MMS22L: variants seen among roughly 807,000 people sequenced by gnomAD.
MMS22L encodes the protein protein MMS22-like.
MMS22L carries 74 observed loss-of-function variants against 159.1 expected under a neutral mutation model. The observed-to-expected ratio is 0.47, with a 90% confidence interval of 0.39 to 0.56. The LOEUF (loss-of-function observed/expected upper bound fraction) is 0.56. Ranked by LOEUF, MMS22L falls within the 20% of genes least tolerant of loss-of-function variation. The pLI, the probability that MMS22L is intolerant of heterozygous loss-of-function variation, is 0.00. For synonymous variants in MMS22L, 517 were observed against 506.9 expected, an observed-to-expected ratio of 1.02 and a Z score of -0.27; for missense variants, 1,351 against 1,422.1, an observed-to-expected ratio of 0.95 and a Z score of 0.80.
In MMS22L at chr6:97,229,045, C is replaced by A. The variant is rs1237633319; in HGVS notation, c.1888G>T (p.Gly630Cys). The A allele has an allele frequency of 6.2e-7, 1 of 1,613,946 alleles. No individual in the cohort carries two copies. The highest frequency in any genetic ancestry group is 1.3e-5 in the African/African-American group (1 of 74,872). ...IWTLLSIYID[G>C]VQEVFETSYC... ...CTGGTCTCAAACACTTCTTGAACAC[C>A]ATCAATGTATATGGAAAGAAGGGTC... Residue 630 changes from glycine to cysteine, a missense_variant, in exon 14 of 25, where the codon GGT becomes TGT. Gly to Cys is a radical substitution (Grantham distance 159). Coordinates refer to ENST00000683635, the MANE Select transcript of MMS22L (RefSeq NM_001350599.2).
At chr6:97,264,596 TG>T (rs1171223903) in intron 8 of MMS22L, 2 of 152,094 alleles carry the variant, frequency 1.3e-5, no homozygotes, top group Admixed American at 6.6e-5. Flanking sequence ...CAGAAAGAAA[TG>T]TTAAAATTGT....
chr6:97,197,692 A>G (rs1055343637), intron 14 of MMS22L, among the ~76,000 whole-genome samples: 2 of 152,232 alleles, frequency 1.3e-5, no homozygotes, highest in African/African-American at 2.4e-5. Flanking sequence ...AGAAGAAAAA[A>G]GAATGAGCTC....
intron 9 of MMS22L, chr6:97,260,208 G>C (rs1210769320): frequency 6.6e-6 from 1 of 152,126 alleles, no homozygotes; most frequent in East Asian, 1.9e-4. Flanking sequence ...CGTAGATTTA[G>C]ATCTTTTATT....
At chr6:97,154,631 G>A (rs1801647514) in intron 22 of MMS22L, among the ~76,000 whole-genome samples, 1 of 152,064 alleles carries the variant, frequency 6.6e-6, no homozygotes, top group Non-Finnish European at 1.5e-5. Context: ...TTCGTATGTG[G>A]TAGGAAACAA....
At chr6:97,148,611 A>T (rs1420682738) in intron 24 of MMS22L, among the ~76,000 whole-genome samples, 1 of 152,112 alleles carries the variant, frequency 6.6e-6, no homozygotes, top group African/African-American at 2.4e-5. Context: ...CTTATTCAAG[A>T]ATATAAAGAA....
At chr6:97,215,787 C>T (rs1354148572) in intron 14 of MMS22L, among the ~76,000 whole-genome samples, 1 of 152,012 alleles carries the variant, frequency 6.6e-6, no homozygotes, top group Non-Finnish European at 1.5e-5. Flanking sequence ...TGATGTGAGA[C>T]ATTAATTTGC....
chr6:97,277,097 C>A (rs1020402170), intron 4 of MMS22L, among the ~76,000 whole-genome samples: 4 of 152,176 alleles, frequency 2.6e-5, no homozygotes, highest in African/African-American at 9.7e-5. Context: ...GTATCCCCTA[C>A]TGAAAATAAA....
intron 19 of MMS22L, among the ~76,000 whole-genome samples, chr6:97,169,078 A>G (rs1360842823): frequency 6.6e-6 from 1 of 152,112 alleles, no homozygotes; most frequent in Non-Finnish European, 1.5e-5. Context: ...CTAATCACTT[A>G]ACCTCCACCA....
intron 19 of MMS22L, among the ~76,000 whole-genome samples, chr6:97,170,028 T>A (rs943191471): frequency 6.6e-6 from 1 of 152,030 alleles, no homozygotes; most frequent in African/African-American, 2.4e-5. Context: ...TTTATTAGAG[T>A]CTATTGTCAC....
intron 14 of MMS22L, among the ~76,000 whole-genome samples, chr6:97,188,389 T>C (rs1270418838): frequency 6.6e-6 from 1 of 152,236 alleles, no homozygotes; most frequent in East Asian, 1.9e-4. Context: ...GTAACATTTC[T>C]GATCGACCTC....
rs1806819320 is a variant in MMS22L at position 97,198,779 on chromosome 6, T to C, written c.2040-12089A>G. On this transcript the variant is annotated intron_variant, in intron 14 of 24. Transcript: ENST00000683635. ...AATTCTGGACTGGTTTCAGGACAAATGAATTTCAGAGATAAGGGTAATTTT... is the reference window on the plus strand; with the variant it reads ...AATTCTGGACTGGTTTCAGGACAAACGAATTTCAGAGATAAGGGTAATTTT... Among the ~76,000 whole-genome samples, 4 of 152,150 alleles carry C rather than the reference T, an allele frequency of 2.6e-5. No individual in the cohort carries two copies. In the South Asian group the frequency reaches 8.3e-4, roughly 31 times the overall value.
At position 97,231,432 on chromosome 6, in the gene MMS22L, T is replaced by C. The variant is rs1810850268; in HGVS notation, c.1523A>G (p.Lys508Arg). 1.2e-6 allele frequency: 2 copies of C among 1,612,112 alleles called. No individual in the cohort carries two copies. The change falls in exon 13 of 25, where the codon AAA (lysine) becomes AGA (arginine). Residue 508 changes from lysine to arginine, a missense_variant. Lys to Arg is a conservative substitution (Grantham distance 26). Coordinates refer to ENST00000683635, the MANE Select transcript of MMS22L (RefSeq NM_001350599.2). ...SNGPHPWKQV[K>R]GRIYSKFHQK... ...CAGAAGATACTGCATATACCTTCCT[T>C]TGACTTGTTTCCAAGGATGAGGGCC... is the stretch of plus-strand genomic sequence containing the variant.
chr6:97,162,166 C>A lies in MMS22L; in HGVS notation c.3222-1G>T, dbSNP rs1165828037. 6.3e-7 allele frequency: 1 copy of A among 1,584,958 alleles called. No homozygotes were observed. On this transcript the variant is annotated splice_acceptor_variant, in intron 21 of 24. Transcript: ENST00000683635. LOFTEE classifies it high-confidence loss of function. ...CCCCTTATACTCAAGGTAGGATTTC[C>A]TGAAAAGAAGCAAAATTTGTTTATT... is the stretch of plus-strand genomic sequence containing the variant.
chr6:97,238,115 G>C (rs1456574584), intron 11 of MMS22L, among the ~76,000 whole-genome samples: 2 of 152,182 alleles, frequency 1.3e-5, no homozygotes, highest in Non-Finnish European at 2.9e-5. Context: ...TGTGAACCTG[G>C]ACAAGTTCTT....
At position 97,145,526 on chromosome 6, in the gene MMS22L, C is replaced by CAT. The variant is rs1800893905; in HGVS notation, c.*1278_*1279dup. The CAT allele has an allele frequency of 1.3e-5, 2 of 152,144 alleles. No individual in the cohort carries two copies. Among genetic ancestry groups the CAT allele is most frequent in the African/African-American group, 4.8e-5 (2 of 41,442 alleles). 9.4% of individuals were successfully genotyped at this position (152,144 alleles called of 1,614,324 possible). A position where few individuals can be genotyped will look rare whatever the true frequency, so the allele number is the denominator to read the frequency against. On this transcript the variant is annotated 3_prime_UTR_variant, in exon 25 of 25. Transcript: ENST00000683635. ...GAAAACATTGGAAAGTGGGATCATT[C>CAT]ATCTGGGACATATCATTAGAGAAAG...
At chr6:97,165,807 C>A (rs1370197388) in intron 20 of MMS22L, among the ~76,000 whole-genome samples, 1 of 152,068 alleles carries the variant, frequency 6.6e-6, no homozygotes, top group Non-Finnish European at 1.5e-5. Context: ...TTATAAAACA[C>A]CTTTAGGTCA....
chr6:97,282,674 C>G (rs1463137872), intron 1 of MMS22L, 121 bp from the exon 2 acceptor site: 4 of 482,814 alleles, frequency 8.3e-6, no homozygotes, highest in Non-Finnish European at 1.4e-5. Flanking sequence ...CCCAATTCCC[C>G]CTCGCCCTCC....
intron 20 of MMS22L, among the ~76,000 whole-genome samples, chr6:97,166,104 A>C (rs1802933955): frequency 6.6e-6 from 1 of 152,154 alleles, no homozygotes; most frequent in African/African-American, 2.4e-5. Context: ...AGAGTTTAAT[A>C]CAGTCACACA....
intron 14 of MMS22L, among the ~76,000 whole-genome samples, chr6:97,225,971 G>T (rs1810201442): frequency 6.6e-6 from 1 of 152,082 alleles, no homozygotes; most frequent in Non-Finnish European, 1.5e-5. Flanking sequence ...AGTAAAAACT[G>T]GTACAATGGG....
Sources: allele counts gnomAD v4.1 joint callset (sites outside exome capture counted in the v4.1 genomes callset), GRCh38; gene constraint gnomAD v4.1.1; transcripts MANE v1.5; gene names NCBI Gene and HGNC (gene_info 2026-07-23, HGNC 2026-07-21).